Variants in RFT1 observed in about 807,000 individuals in gnomAD.
The protein encoded by RFT1 is RFT1 glycolipid translocator homolog, also known as man(5)GlcNAc(2)-PP-dolichol translocation protein RFT1.
Under a neutral mutation model 62.2 loss-of-function variants are expected in RFT1, and 43 were observed. That is an observed-to-expected ratio of 0.69 (90% confidence interval 0.54 to 0.89). The LOEUF (loss-of-function observed/expected upper bound fraction) is 0.89, where lower values mean the gene tolerates loss of function less well. Ranked by LOEUF, RFT1 falls within the 40% of genes least tolerant of loss-of-function variation. The probability of loss-of-function intolerance (pLI) is 0.00; values close to 1 mark genes in which losing one functional copy is unlikely to be tolerated. For missense variants in RFT1, 605 were observed against 649.9 expected (o/e 0.93, Z 0.75); for synonymous variants, 262 against 264.6 (o/e 0.99, Z 0.10).
chr3:53,105,847 T>C lies in RFT1; in HGVS notation c.827-44A>G, dbSNP rs184288783. ...GAAACAACAATCATGTTGGTTTTTC[T>C]ATTTTAATTTTTATAGCACTATTAA... is the stretch of plus-strand genomic sequence containing the variant. On this transcript the variant is annotated intron_variant, in intron 8 of 12. Coordinates refer to ENST00000296292, the MANE Select transcript of RFT1 (RefSeq NM_052859.4). 8.3e-6 allele frequency: 13 copies of C among 1,565,830 alleles called. No homozygotes were observed. The East Asian group carries it at 2.8e-4, about 33-fold the overall frequency.
In RFT1 at chr3:53,091,806, G is replaced by T; in HGVS notation, c.*97C>A. On this transcript the variant is annotated 3_prime_UTR_variant, in exon 13 of 13. Coordinates refer to ENST00000296292, the MANE Select transcript of RFT1 (RefSeq NM_052859.4). ...TCTCTGGGGTTGCTGTCACTCCGCT[G>T]CAGAGCCCTCAGTGGGGCTCTTACA... The T allele has an allele frequency of 7.5e-7, 1 of 1,333,736 alleles. No individual in the cohort carries two copies. The allele number at this position is 1,333,736 out of a possible 1,614,324, so 82.6% of individuals were successfully genotyped here.
At chr3:53,075,387 C>T in the RFT1 span, among the ~76,000 whole-genome samples, 5 of 152,172 alleles carry the variant, frequency 3.3e-5, no homozygotes, top group East Asian at 1.9e-4. Context: ...AGAGGATATG[C>T]GGCCTGTACC....
At position 53,091,817 on chromosome 3, in the gene RFT1, A is replaced by T; in HGVS notation, c.*86T>A. The T allele has an allele frequency of 7.1e-7, 1 of 1,417,700 alleles. No individual in the cohort carries two copies. The highest frequency in any genetic ancestry group is 9.9e-7 in the Non-Finnish European group (1 of 1,005,752). 87.8% of individuals were successfully genotyped at this position (1,417,700 alleles called of 1,614,324 possible). A position where few individuals can be genotyped will look rare whatever the true frequency, so the allele number is the denominator to read the frequency against. On this transcript the variant is annotated 3_prime_UTR_variant, in exon 13 of 13. Transcript: ENST00000296292. ...GCTGTCACTCCGCTGCAGAGCCCTCAGTGGGGCTCTTACACAGAATGTGTT... is the reference window on the plus strand; with the variant it reads ...GCTGTCACTCCGCTGCAGAGCCCTCTGTGGGGCTCTTACACAGAATGTGTT...
chr3:53,093,597 C>T (rs1462172922), intron 11 of RFT1, among the ~76,000 whole-genome samples: 3 of 152,148 alleles, frequency 2.0e-5, no homozygotes, highest in African/African-American at 7.2e-5. Context: ...CCAGATTCTG[C>T]ACATGAGGGG....
intron 11 of RFT1, among the ~76,000 whole-genome samples, chr3:53,093,425 A>G (rs1701052603): frequency 6.6e-6 from 1 of 152,242 alleles, no homozygotes; most frequent in Non-Finnish European, 1.5e-5. Context: ...AATAGCTGCC[A>G]TAGTCCTCCA....
In RFT1 at chr3:53,092,557, G is replaced by A. The variant is rs138803905; in HGVS notation, c.1270C>T (p.Arg424Cys). ...ATGAAGCCCACGCTGCCACACCAAC[G>A]GGTCAAGAGATAGGATAACACCAGG... Reference protein sequence around the residue: ...SFLVLSYLLTRWCGSVGFILA... With the variant: ...SFLVLSYLLTCWCGSVGFILA... The change falls in exon 12 of 13, where the codon CGT becomes TGT. Residue 424 changes from arginine (R) to cysteine (C), a missense_variant. By Grantham distance (180) the Arg-to-Cys change is radical. Coordinates refer to ENST00000296292, the MANE Select transcript of RFT1 (RefSeq NM_052859.4). 59 of 1,612,644 alleles carry A rather than the reference G, an allele frequency of 3.7e-5. No homozygotes were observed. Among genetic ancestry groups the A allele is most frequent in the East Asian group, 8.9e-5 (4 of 44,854 alleles).
At chr3:53,129,738 A>T (rs977821581) in intron 1 of RFT1, among the ~76,000 whole-genome samples, 8 of 152,324 alleles carry the variant, frequency 5.3e-5, no homozygotes, top group African/African-American at 1.9e-4. Context: ...TATTAAATGC[A>T]TACTAAGAGC....
intron 6 of RFT1, among the ~76,000 whole-genome samples, chr3:53,116,087 T>C (rs894918388): frequency 6.6e-6 from 1 of 152,190 alleles, no homozygotes; most frequent in Non-Finnish European, 1.5e-5. Context: ...TAAGGTTAAA[T>C]AAGCATCTTT....
intron 9 of RFT1, 37 bp downstream of exon 9, chr3:53,105,636 G>T: frequency 6.2e-7 from 1 of 1,609,946 alleles, no homozygotes; most frequent in Non-Finnish European, 8.5e-7. Flanking sequence ...ATTAAAGGGA[G>T]AATTCACTTG....
intron 6 of RFT1, among the ~76,000 whole-genome samples, chr3:53,118,739 G>A (rs1363870965): frequency 6.6e-6 from 1 of 152,082 alleles, no homozygotes; most frequent in Admixed American, 6.5e-5. Context: ...CATCACGTGT[G>A]CAGCTCTGGT....
intron 6 of RFT1, among the ~76,000 whole-genome samples, chr3:53,117,271 G>T (rs1701836041): frequency 6.6e-6 from 1 of 152,196 alleles, no homozygotes; most frequent in African/African-American, 2.4e-5. Flanking sequence ...ATGGCTCTTT[G>T]TCAAGGTTCA....
the RFT1 span, among the ~76,000 whole-genome samples, chr3:53,076,772 G>A: frequency 6.6e-6 from 1 of 152,102 alleles, no homozygotes; most frequent in Non-Finnish European, 1.5e-5. Context: ...GCAACATAGT[G>A]TGACCCCATC....
At chr3:53,084,669 A>C (rs1368126362), downstream of RFT1, among the ~76,000 whole-genome samples, 1 of 152,198 alleles carries the variant, frequency 6.6e-6, no homozygotes, top group Non-Finnish European at 1.5e-5. Flanking sequence ...GCTGGGAAGG[A>C]AGGACCAGGA....
At chr3:53,072,270 T>A in the RFT1 span, among the ~76,000 whole-genome samples, 2 of 152,114 alleles carry the variant, frequency 1.3e-5, no homozygotes, top group East Asian at 3.9e-4. Context: ...AGGCTCAGCA[T>A]CATCCTGCCC....
chr3:53,120,332 T>TG (rs1486157496), intron 5 of RFT1, among the ~76,000 whole-genome samples: 1 of 152,164 alleles, frequency 6.6e-6, no homozygotes, highest in African/African-American at 2.4e-5. Context: ...TCAAAAGGTG[T>TG]GTATTTGGCC....
At chr3:53,069,229 T>G in the RFT1 span, among the ~76,000 whole-genome samples, 1 of 152,332 alleles carries the variant, frequency 6.6e-6, no homozygotes, top group Middle Eastern at 3.4e-3. Context: ...TGTGAGCCAC[T>G]GTGCCCAGAC....
the RFT1 span, among the ~76,000 whole-genome samples, chr3:53,072,996 C>G: frequency 1.3e-5 from 2 of 152,232 alleles, no homozygotes; most frequent in Non-Finnish European, 2.9e-5. Flanking sequence ...TGAGCTGACA[C>G]CCAGCAATCT....
intron 6 of RFT1, among the ~76,000 whole-genome samples, chr3:53,119,415 A>T (rs6783748): frequency 0.26 from 39,891 of 152,142 alleles, 5,628 homozygotes; most frequent in Middle Eastern, 0.39. Flanking sequence ...GTATTTATTC[A>T]CTAAGCCTTA....
chr3:53,127,668 A>AT (rs1227924134), intron 1 of RFT1, among the ~76,000 whole-genome samples: 1 of 151,686 alleles, frequency 6.6e-6, no homozygotes, highest in African/African-American at 2.4e-5. Flanking sequence ...AAAAAAAAAA[A>AT]AGAAAAGAAA....
Sources: gnomAD v4.1 joint callset for allele counts (sites outside exome capture counted in the v4.1 genomes callset) on GRCh38, gnomAD v4.1.1 for gene constraint, MANE v1.5 for transcripts, NCBI Gene and HGNC (gene_info 2026-07-23, HGNC 2026-07-21) for gene names.